HDAC9: variants seen among roughly 807,000 people sequenced by gnomAD.
HDAC9 encodes the protein MEF-2 interacting transcription repressor (MITR) protein.
Under a neutral mutation model 139.4 loss-of-function variants are expected in HDAC9, and 41 were observed. The observed-to-expected ratio is 0.29, with a 90% confidence interval of 0.23 to 0.38. The LOEUF (loss-of-function observed/expected upper bound fraction) is 0.38. Among genes scored for constraint, HDAC9 ranks in the 10% least tolerant of loss-of-function variants. HDAC9 has a pLI of 1.00. For synonymous variants in HDAC9, 517 were observed against 476.2 expected, an observed-to-expected ratio of 1.09 and a Z score of -1.12; for missense variants, 1,147 against 1,297.0, an observed-to-expected ratio of 0.88 and a Z score of 1.78.
intron 1 of HDAC9, among the ~76,000 whole-genome samples, chr7:18,367,803 G>A (rs1234539654): frequency 1.3e-5 from 2 of 152,048 alleles, no homozygotes; most frequent in Non-Finnish European, 2.9e-5. Flanking sequence ...CCCATCAGCA[G>A]CCTATGAAGG....
intron 12 of HDAC9, among the ~76,000 whole-genome samples, chr7:18,677,071 G>C (rs544236545): frequency 5.3e-5 from 8 of 151,874 alleles, no homozygotes; most frequent in African/African-American, 1.9e-4. Flanking sequence ...CCACTATCTA[G>C]ATAGAGAATA....
At chr7:18,464,424 T>A (rs1794097474) in intron 1 of HDAC9, among the ~76,000 whole-genome samples, 1 of 152,002 alleles carries the variant, frequency 6.6e-6, no homozygotes, top group African/African-American at 2.4e-5. Context: ...ATATGTTAAG[T>A]ATGTTTATTT....
chr7:18,310,948 A>C (rs972642846), intron 1 of HDAC9, among the ~76,000 whole-genome samples: 12 of 152,236 alleles, frequency 7.9e-5, no homozygotes, highest in African/African-American at 2.9e-4. Context: ...TATTTCTAAA[A>C]AAAGTTATAT....
chr7:18,733,921 G>A lies in HDAC9; in HGVS notation c.1909+6164G>A, dbSNP rs1047713383. 3.3e-5 allele frequency among the ~76,000 whole-genome samples: 5 copies of A among 152,116 alleles called. No individual in the cohort carries two copies. In the South Asian group the frequency reaches 1.0e-3, roughly 32 times the overall value. ...CCTGGTTTTTCTTTTCTGGAGATAA[G>A]ACATATTTTGTTATCTTGTTAATTT... On this transcript the variant is annotated intron_variant, in intron 13 of 25. Coordinates refer to ENST00000686413, the MANE Select transcript of HDAC9 (RefSeq NM_178425.4).
chr7:18,248,897 A>G (rs561510057), intron 2 of HDAC9, among the ~76,000 whole-genome samples: 2 of 152,332 alleles, frequency 1.3e-5, no homozygotes, highest in Admixed American at 1.3e-4. Context: ...ATATATAAAG[A>G]CAGTCATTAT....
intron 2 of HDAC9, among the ~76,000 whole-genome samples, chr7:18,192,129 G>T (rs969880560): frequency 6.6e-6 from 1 of 152,196 alleles, no homozygotes; most frequent in South Asian, 2.1e-4. Context: ...GGGGGCGGGG[G>T]GGTGTCACAG....
chr7:18,258,255 T>G (rs1795409204), intron 2 of HDAC9, among the ~76,000 whole-genome samples: 1 of 152,198 alleles, frequency 6.6e-6, no homozygotes, highest in South Asian at 2.1e-4. Flanking sequence ...TCAGTTACTA[T>G]CTAATATGGG....
intron 2 of HDAC9, among the ~76,000 whole-genome samples, chr7:18,164,915 T>C (rs1228544714): frequency 1.3e-5 from 2 of 152,174 alleles, no homozygotes; most frequent in Non-Finnish European, 1.5e-5. Flanking sequence ...TCAAAACTTA[T>C]TAAGCATCTA....
At chr7:18,763,741 C>G (rs1164141883) in intron 15 of HDAC9, among the ~76,000 whole-genome samples, 1 of 152,048 alleles carries the variant, frequency 6.6e-6, no homozygotes, top group Non-Finnish European at 1.5e-5. Flanking sequence ...TCATAATACT[C>G]AAGCATTTAA....
chr7:18,639,129 C>G (rs914944385), intron 8 of HDAC9, among the ~76,000 whole-genome samples: 2 of 151,998 alleles, frequency 1.3e-5, no homozygotes, highest in African/African-American at 4.8e-5. Context: ...AAAAAGGATT[C>G]TAATAATAAG....
chr7:18,805,480 A>T (rs1001973667), intron 17 of HDAC9, among the ~76,000 whole-genome samples: 2 of 152,234 alleles, frequency 1.3e-5, no homozygotes, highest in African/African-American at 4.8e-5. Context: ...GCAGCTGCAC[A>T]GATGCAAAAA....
At chr7:18,761,615 G>A (rs1407160568) in intron 14 of HDAC9, among the ~76,000 whole-genome samples, 2 of 152,100 alleles carry the variant, frequency 1.3e-5, no homozygotes, top group South Asian at 2.1e-4. Flanking sequence ...AGATATTGAC[G>A]TGTTATTGAT....
chr7:18,985,912 G>A, intron 25 of HDAC9, among the ~76,000 whole-genome samples: 1 of 65,434 alleles, frequency 1.5e-5, no homozygotes, highest in African/African-American at 1.0e-4. Flanking sequence ...CTTTTTGATG[G>A]GGTTGTTTGT....
intron 1 of HDAC9, among the ~76,000 whole-genome samples, chr7:18,114,692 C>T (rs1261209137): frequency 6.6e-6 from 1 of 152,198 alleles, no homozygotes. Flanking sequence ...ATATTAATGA[C>T]ATCTCATTCT....
chr7:18,357,177 G>T (rs559389402), intron 1 of HDAC9, among the ~76,000 whole-genome samples: 35 of 151,884 alleles, frequency 2.3e-4, no homozygotes, highest in African/African-American at 8.2e-4. Context: ...AACAGTTTTA[G>T]GTCCCCCTCA....
intron 2 of HDAC9, among the ~76,000 whole-genome samples, chr7:18,580,764 G>A (rs1827565511): frequency 6.6e-6 from 1 of 152,074 alleles, no homozygotes; most frequent in Admixed American, 6.6e-5. Flanking sequence ...GTTAAAAATG[G>A]CAGTTAATTT....
intron 22 of HDAC9, among the ~76,000 whole-genome samples, chr7:18,933,123 A>G (rs905331739): frequency 6.6e-6 from 1 of 152,178 alleles, no homozygotes; most frequent in Non-Finnish European, 1.5e-5. Flanking sequence ...CTGCTGTATC[A>G]AAATACGATA....
chr7:18,351,761 A>C (rs923337724), intron 1 of HDAC9, among the ~76,000 whole-genome samples: 7 of 152,212 alleles, frequency 4.6e-5, no homozygotes, highest in African/African-American at 1.7e-4. Flanking sequence ...GCCCTACATA[A>C]ATATTTGCTG....
chr7:18,901,332 A>G (rs992850772), intron 22 of HDAC9, among the ~76,000 whole-genome samples: 4 of 151,648 alleles, frequency 2.6e-5, no homozygotes, highest in Non-Finnish European at 4.4e-5. Flanking sequence ...CTGCTGGGAC[A>G]GAATTAAAAT....
Sources: gnomAD v4.1 joint callset for allele counts (sites outside exome capture counted in the v4.1 genomes callset) on GRCh38, gnomAD v4.1.1 for gene constraint, MANE v1.5 for transcripts, NCBI Gene and HGNC (gene_info 2026-07-23, HGNC 2026-07-21) for gene names.